Variants in KCNB2 observed in about 807,000 individuals in gnomAD.
KCNB2 encodes the protein delayed rectifier potassium channel protein.
A neutral mutation model predicts 61.5 loss-of-function variants in KCNB2; 15 were observed. That is an observed-to-expected ratio of 0.24 (90% CI 0.16 to 0.38). The LOEUF (loss-of-function observed/expected upper bound fraction) is 0.38, where lower values mean the gene tolerates loss of function less well. Among genes scored for constraint, KCNB2 ranks in the 10% least tolerant of loss-of-function variants. The pLI, the probability that KCNB2 is intolerant of heterozygous loss-of-function variation, is 1.00. For missense variants in KCNB2, 828 were observed against 1,125.2 expected (o/e 0.74, Z 3.78); for synonymous variants, 457 against 446.0 (o/e 1.02, Z -0.31).
In KCNB2 at chr8:72,852,626, A is replaced by T. The variant is rs192765232; in HGVS notation, c.580-83309A>T. ...TCTACAACTGAATACGTTCAAATGTAATCATTTTTTGCACAGGATGGCAGG... is the reference window on the plus strand; with the variant it reads ...TCTACAACTGAATACGTTCAAATGTTATCATTTTTTGCACAGGATGGCAGG... On this transcript the variant is annotated intron_variant, in intron 2 of 2. Transcript: ENST00000523207. Among the ~76,000 whole-genome samples the T allele has an allele frequency of 3.3e-5, 5 of 152,332 alleles. No individual in the cohort carries two copies. In the East Asian group the frequency reaches 7.7e-4, roughly 24 times the overall value.
Position 72,638,158 on chromosome 8 carries a change from A to G in KCNB2, c.579+69845A>G, listed in dbSNP as rs1300096092. ...CCTTTCCCCCACCATCGTAGAGTCC[A>G]GTATCCGCCATTCAGAACTCTGTAA... On this transcript the variant is annotated intron_variant, in intron 2 of 2. Coordinates refer to ENST00000523207, the MANE Select transcript of KCNB2 (RefSeq NM_004770.3). Among the ~76,000 whole-genome samples, 4 of 152,270 alleles carry G rather than the reference A, an allele frequency of 2.6e-5. No homozygotes were observed. In the East Asian group the frequency reaches 7.7e-4, roughly 29 times the overall value.
intron 2 of KCNB2, among the ~76,000 whole-genome samples, chr8:72,778,621 G>C (rs966440906): frequency 5.4e-5 from 8 of 149,454 alleles, no homozygotes; most frequent in African/African-American, 2.0e-4. Flanking sequence ...TATAGTCCCA[G>C]CTACTAAGGA....
intron 2 of KCNB2, among the ~76,000 whole-genome samples, chr8:72,904,707 G>GT (rs1480954083): frequency 1.3e-5 from 2 of 151,540 alleles, no homozygotes; most frequent in Admixed American, 1.3e-4. Context: ...TGTGCACAAC[G>GT]TTTTATTTTT....
chr8:72,657,329 A>G (rs1022107945), intron 2 of KCNB2, among the ~76,000 whole-genome samples: 1 of 152,196 alleles, frequency 6.6e-6, no homozygotes, highest in African/African-American at 2.4e-5. Flanking sequence ...GCCACTAAAG[A>G]TAACATTTTA....
At chr8:72,676,874 C>G (rs1806662452) in intron 2 of KCNB2, among the ~76,000 whole-genome samples, 1 of 152,096 alleles carries the variant, frequency 6.6e-6, no homozygotes, top group Admixed American at 6.5e-5. Flanking sequence ...TCCCTGCAGC[C>G]CTTCCACTTT....
chr8:72,551,341 A>G (rs1806341733), intron 1 of KCNB2, among the ~76,000 whole-genome samples: 1 of 152,130 alleles, frequency 6.6e-6, no homozygotes. Flanking sequence ...CTTGGGGGCT[A>G]CCATATTCCT....
At chr8:72,929,328 T>C (rs1226247312) in intron 2 of KCNB2, among the ~76,000 whole-genome samples, 1 of 152,312 alleles carries the variant, frequency 6.6e-6, no homozygotes, top group Non-Finnish European at 1.5e-5. Context: ...ACAACCAATG[T>C]TGGTCCCTAC....
At chr8:72,839,736 C>T (rs1438981214) in intron 2 of KCNB2, among the ~76,000 whole-genome samples, 1 of 150,484 alleles carries the variant, frequency 6.6e-6, no homozygotes, top group Non-Finnish European at 1.5e-5. Context: ...CCTCAGCCTC[C>T]TGAGTAGCTG....
In KCNB2 at chr8:72,567,949, G is replaced by C. The variant is rs1406779226; in HGVS notation, c.215G>C (p.Ser72Thr). The C allele has an allele frequency of 4.3e-6, 7 of 1,613,974 alleles. No homozygotes were observed. In the South Asian group the frequency reaches 6.6e-5, roughly 15 times the overall value. Residue 72 changes from serine to threonine, a missense_variant, in exon 2 of 3, where the codon AGC (serine) becomes ACC (threonine). This residue lies in a region of KCNB2 where 163 missense variants were observed against 314.4 expected (regional missense o/e 0.52). Transcript: ENST00000523207. ...CTTCGAGACTGCAACACACACGAGA[G>C]CCTCCTGGAAGTGTGCGACGACTAT... ...GKLRDCNTHE[S>T]LLEVCDDYNL...
chr8:72,809,382 A>G (rs1809270811), intron 2 of KCNB2, among the ~76,000 whole-genome samples: 1 of 152,186 alleles, frequency 6.6e-6, no homozygotes, highest in Non-Finnish European at 1.5e-5. Context: ...CATATATGAC[A>G]TTTACAAATT....
intron 2 of KCNB2, among the ~76,000 whole-genome samples, chr8:72,575,990 ACT>A (rs1806788644): frequency 6.6e-6 from 1 of 152,120 alleles, no homozygotes; most frequent in African/African-American, 2.4e-5. Flanking sequence ...TAACAGAGAG[ACT>A]CTGTCTGTTT....
intron 1 of KCNB2, among the ~76,000 whole-genome samples, chr8:72,543,310 G>T (rs1480935189): frequency 6.6e-6 from 1 of 152,144 alleles, no homozygotes; most frequent in Non-Finnish European, 1.5e-5. Context: ...TACACTAAAA[G>T]ATGTACTAAA....
chr8:72,867,511 G>A (rs1249641468), intron 2 of KCNB2, among the ~76,000 whole-genome samples: 3 of 152,096 alleles, frequency 2.0e-5, no homozygotes, highest in Non-Finnish European at 4.4e-5. Context: ...CAAAGCAGTG[G>A]GCCAGAGATT....
chr8:72,938,176 T>TA lies in KCNB2; in HGVS notation c.*92dup, dbSNP rs1806972493. On this transcript the variant is annotated 3_prime_UTR_variant, in exon 3 of 3. Transcript: ENST00000523207. ...AATGCGGTTAATAATGCCTGTGAAC[T>TA]AAAAAAATGGGAAGCCCTCCCCAAA... The TA allele has an allele frequency of 3.5e-6, 4 of 1,126,770 alleles. No individual in the cohort carries two copies. Among genetic ancestry groups the TA allele is most frequent in the Non-Finnish European group, 2.6e-6 (2 of 782,866 alleles). 69.8% of individuals were successfully genotyped at this position (1,126,770 alleles called of 1,614,324 possible).
chr8:72,777,551 G>C (rs1333272464), intron 2 of KCNB2, among the ~76,000 whole-genome samples: 1 of 152,130 alleles, frequency 6.6e-6, no homozygotes, highest in African/African-American at 2.4e-5. Context: ...CTTGGTGTGA[G>C]AAAAAGTATT....
chr8:72,790,373 G>A (rs1808918237), intron 2 of KCNB2, among the ~76,000 whole-genome samples: 1 of 152,120 alleles, frequency 6.6e-6, no homozygotes, highest in South Asian at 2.1e-4. Flanking sequence ...GTGGCATTCT[G>A]GAAGTCAAGA....
chr8:72,936,648 G>T lies in KCNB2; in HGVS notation c.1293G>T (p.Glu431Asp). The T allele has an allele frequency of 6.2e-7, 1 of 1,614,182 alleles. No individual in the cohort carries two copies. ...TTTACAAGGAGCAGAAACGCCAAGA[G>T]AAAGCAATTAAAAGGAGGGAGGCTC... ...SEFYKEQKRQ[E>D]KAIKRREALE... Residue 431 changes from glutamate to aspartate, a missense_variant, in exon 3 of 3, where the codon GAG (glutamate) becomes GAT (aspartate). Around this residue, in one of 4 missense-constraint regions of KCNB2, gnomAD observed 44 missense variants for 167.6 expected, o/e 0.26. Transcript: ENST00000523207. The surrounding 1 kb of genome is among the most constrained non-coding windows in gnomAD (Gnocchi z 5.6).
intron 2 of KCNB2, among the ~76,000 whole-genome samples, chr8:72,921,028 C>T (rs893958428): frequency 3.3e-5 from 5 of 152,094 alleles, no homozygotes; most frequent in Non-Finnish European, 7.4e-5. Context: ...TTTTGCAGAG[C>T]GCGGAAGGTA....
rs112094084 is a variant in KCNB2 at position 72,620,468 on chromosome 8, T to G, written c.579+52155T>G. 3.6e-3 allele frequency among the ~76,000 whole-genome samples: 545 copies of G among 152,328 alleles called. 4 individuals are homozygous for G. The highest frequency in any genetic ancestry group is 0.013 in the African/African-American group (529 of 41,588). On this transcript the variant is annotated intron_variant, in intron 2 of 2. Coordinates refer to ENST00000523207, the MANE Select transcript of KCNB2 (RefSeq NM_004770.3). ...ACTAAAGGATACAAATGAACTAACA[T>G]GTGCAGGAGAGGGAGACATTTCAGT...
Sources: allele counts gnomAD v4.1 joint callset (sites outside exome capture counted in the v4.1 genomes callset), GRCh38; gene constraint gnomAD v4.1.1; regional missense constraint gnomAD v4.1.1; non-coding constraint Gnocchi (gnomAD v3.1); transcripts MANE v1.5; gene names NCBI Gene and HGNC (gene_info 2026-07-23, HGNC 2026-07-21).